Variants in DNAJC11 observed in about 807,000 individuals in gnomAD.
DNAJC11 encodes the protein dnaJ homolog subfamily C member 11.
A neutral mutation model predicts 78.6 loss-of-function variants in DNAJC11; 15 were observed. The observed-to-expected ratio is 0.19, with a 90% CI of 0.13 to 0.29. The LOEUF is 0.29. Among genes scored for constraint, DNAJC11 ranks in the 10% least tolerant of loss-of-function variants. The pLI is 1.00. For missense variants in DNAJC11, 547 were observed against 709.6 expected (o/e 0.77, Z 2.60); for synonymous variants, 292 against 272.1 (o/e 1.07, Z -0.72).
chr1:6,668,130 G>A (rs1642319780), intron 3 of DNAJC11: 2 of 290,648 alleles, frequency 6.9e-6, no homozygotes, highest in Non-Finnish European at 1.3e-5. Context: ...GTCACCTTAT[G>A]AATTTCTTTC....
chr1:6,699,478 G>GATAAATGGCTGCTCAATTACTGACAACCC (rs1459609023), intron 1 of DNAJC11, among the ~76,000 whole-genome samples: 1 of 152,182 alleles, frequency 6.6e-6, no homozygotes, highest in Non-Finnish European at 1.5e-5. Context: ...CAGTACGCCT[G>GATAAATGGCTGCTCAATTACTGACAACCC]ATAAATGGCT....
In DNAJC11 at chr1:6,648,521, A is replaced by G. The variant is rs188448943; in HGVS notation, c.705-2543T>C. On this transcript the variant is annotated intron_variant, in intron 7 of 15. Transcript: ENST00000377577. The stretch of plus-strand genomic sequence containing the variant: ...ACCTAGGCTGAAGTGCAGTGGTGTC[A>G]TCATGGCTCACTGCAGCCTCGACCT... 4.2e-3 allele frequency among the ~76,000 whole-genome samples: 642 copies of G among 152,190 alleles called. 4 individuals are homozygous for G. The highest frequency in any genetic ancestry group is 0.015 in the African/African-American group (618 of 41,538).
At chr1:6,662,234 C>T (rs1642227613) in intron 4 of DNAJC11, among the ~76,000 whole-genome samples, 1 of 149,474 alleles carries the variant, frequency 6.7e-6, no homozygotes, top group Non-Finnish European at 1.5e-5. Context: ...GAGCTTGTTG[C>T]TCAGGCTGGA....
chr1:6,634,194 G>T lies in DNAJC11; in HGVS notation c.*1481C>A. 1 of 1,117,900 alleles carries T rather than the reference G, an allele frequency of 8.9e-7. No homozygotes were observed. Among genetic ancestry groups the T allele is most frequent in the Non-Finnish European group, 1.3e-6 (1 of 756,474 alleles). 69.2% of individuals were successfully genotyped at this position (1,117,900 alleles called of 1,614,324 possible). On this transcript the variant is annotated 3_prime_UTR_variant, in exon 16 of 16. Transcript: ENST00000377577. ...CTGCTTTCAGGAAAGGTTTATTGTG[G>T]TGAGTGCCTTCTGTACAGTCGACTG... is the stretch of plus-strand genomic sequence containing the variant.
At chr1:6,701,678 G>C in intron 1 of DNAJC11, 51 bp downstream of exon 1, 2 of 1,483,676 alleles carry the variant, frequency 1.3e-6, no homozygotes, top group Non-Finnish European at 1.8e-6. Flanking sequence ...CGGCCCTCCC[G>C]AACGACCGGG....
intron 1 of DNAJC11, among the ~76,000 whole-genome samples, chr1:6,694,821 A>T (rs1642807375): frequency 6.6e-6 from 1 of 151,596 alleles, no homozygotes; most frequent in African/African-American, 2.4e-5. Flanking sequence ...AAAAAAAAAA[A>T]AAAATTATCC....
At chr1:6,694,515 A>G (rs1206677582) in intron 1 of DNAJC11, among the ~76,000 whole-genome samples, 1 of 152,042 alleles carries the variant, frequency 6.6e-6, no homozygotes, top group Non-Finnish European at 1.5e-5. Context: ...CCCTTCCCCA[A>G]GCTGACTTCA....
rs750483005 is a variant in DNAJC11 at position 6,651,581 on chromosome 1, G to T, written c.652C>A (p.Leu218Ile). Residue 218 changes from leucine to isoleucine, a missense_variant, in exon 7 of 16, where the codon CTA becomes ATA. Transcript: ENST00000377577. Reference protein sequence around the residue: ...WGELEFGAGDLQGPLFGLKLF... With the variant: ...WGELEFGAGDIQGPLFGLKLF... Reference sequence around the variant, plus strand: ...TTGAGACCGAACAAAGGCCCCTGTAGGTCTCCAGCTCCAAATTCCAACTGT... The same window carrying T: ...TTGAGACCGAACAAAGGCCCCTGTATGTCTCCAGCTCCAAATTCCAACTGT... 3 of 1,613,966 alleles carry T rather than the reference G, an allele frequency of 1.9e-6. No homozygotes were observed.
intron 1 of DNAJC11, among the ~76,000 whole-genome samples, chr1:6,683,022 G>C (rs1173134819): frequency 6.6e-6 from 1 of 152,232 alleles, no homozygotes. Context: ...CCATTTTAAA[G>C]TAGGAGCTCC....
intron 4 of DNAJC11, among the ~76,000 whole-genome samples, chr1:6,664,716 A>G (rs1002847272): frequency 6.6e-6 from 1 of 152,128 alleles, no homozygotes; most frequent in East Asian, 1.9e-4. Context: ...ATTAACATCT[A>G]TTTCATGTGT....
intron 3 of DNAJC11, among the ~76,000 whole-genome samples, chr1:6,668,772 A>C (rs926604400): frequency 1.3e-5 from 2 of 152,138 alleles, no homozygotes; most frequent in Non-Finnish European, 2.9e-5. Context: ...TCTTCTTCTT[A>C]TAACAGTATA....
At chr1:6,694,258 T>A (rs780091365) in intron 1 of DNAJC11, among the ~76,000 whole-genome samples, 2 of 152,126 alleles carry the variant, frequency 1.3e-5, no homozygotes, top group Non-Finnish European at 1.5e-5. Flanking sequence ...ACCAGACATC[T>A]TCTATGGGGC....
chr1:6,685,585 G>A (rs1253392085), intron 1 of DNAJC11, among the ~76,000 whole-genome samples: 2 of 152,102 alleles, frequency 1.3e-5, no homozygotes, highest in Non-Finnish European at 2.9e-5. Context: ...CTCTGCCCCA[G>A]CCAATCAGGA....
intron 7 of DNAJC11, among the ~76,000 whole-genome samples, chr1:6,648,704 A>G (rs1000432814): frequency 6.6e-5 from 10 of 151,474 alleles, no homozygotes; most frequent in Admixed American, 5.3e-4. Context: ...TGATCGTCTC[A>G]CCTGGCCTCC....
intron 1 of DNAJC11, among the ~76,000 whole-genome samples, chr1:6,697,192 G>A (rs1450553335): frequency 1.3e-5 from 2 of 152,168 alleles, no homozygotes; most frequent in Admixed American, 6.6e-5. Context: ...AGGCAGGCAC[G>A]ACAGATGATG....
Position 6,634,841 on chromosome 1 carries a change from A to G in DNAJC11, c.*834T>C. ...CACGCCTTTGGGTTGGGTGTGTCTG[A>G]TGTCTTGCCAAGCGCCTGGTCCTGT... On this transcript the variant is annotated 3_prime_UTR_variant, in exon 16 of 16. Transcript: ENST00000377577. 8.1e-7 allele frequency: 1 copy of G among 1,238,390 alleles called. No individual in the cohort carries two copies. The highest frequency in any genetic ancestry group is 1.0e-6 in the Non-Finnish European group (1 of 954,870). 76.7% of individuals were successfully genotyped at this position (1,238,390 alleles called of 1,614,324 possible).
rs571621957 is a variant in DNAJC11, at chr1:6,649,585, G to C, written c.704+1944C>G. 3.8e-4 allele frequency among the ~76,000 whole-genome samples: 58 copies of C among 152,294 alleles called. 1 individual carries two copies. The highest frequency in any genetic ancestry group is 1.4e-3 in the African/African-American group (58 of 41,564). ...CTCCCTACAACAGGCTGACCTGCAA[G>C]CCTGCCTGTGTTCTCTGCCCCATGC... On this transcript the variant is annotated intron_variant, in intron 7 of 15. Transcript: ENST00000377577.
chr1:6,651,421 G>A, intron 7 of DNAJC11, 108 bp downstream of exon 7: 1 of 965,744 alleles, frequency 1.0e-6, no homozygotes, highest in South Asian at 1.4e-5. Context: ...CAGTGACCTT[G>A]TAGGACAGAC....
chr1:6,646,089 C>T, intron 7 of DNAJC11, 111 bp from the exon 8 acceptor site: 2 of 1,079,978 alleles, frequency 1.9e-6, no homozygotes, highest in East Asian at 2.5e-5. Flanking sequence ...CTATGCATCC[C>T]TGGGCCAGCT....
Sources: gnomAD v4.1 joint callset for allele counts (sites outside exome capture counted in the v4.1 genomes callset) on GRCh38, gnomAD v4.1.1 for gene constraint, MANE v1.5 for transcripts, NCBI Gene and HGNC (gene_info 2026-07-23, HGNC 2026-07-21) for gene names.